The following ANTXR2 variants were observed in gnomAD, a reference collection of about 807,000 sequenced individuals.
ANTXR2 encodes anthrax toxin receptor 2.
Under a neutral mutation model 73.7 loss-of-function variants are expected in ANTXR2, and 44 were observed. The observed-to-expected ratio is 0.60, with a 90% CI of 0.47 to 0.77. The LOEUF (loss-of-function observed/expected upper bound fraction) is 0.77, where lower values mean the gene tolerates loss of function less well. Ranked by LOEUF, ANTXR2 falls within the 30% of genes least tolerant of loss-of-function variation. The pLI is 0.00. For missense variants in ANTXR2, 604 were observed against 592.5 expected, an observed-to-expected ratio of 1.02 and a Z score of -0.20; for synonymous variants, 217 against 205.9, an observed-to-expected ratio of 1.05 and a Z score of -0.46.
chr4:80,058,104 G>T (rs1282435341), intron 3 of ANTXR2, among the ~76,000 whole-genome samples: 1 of 152,020 alleles, frequency 6.6e-6, no homozygotes, highest in Middle Eastern at 3.2e-3. Flanking sequence ...CAAGTGAAAT[G>T]CAAGTTTACA....
At chr4:79,933,739 T>G (rs1330401521) in intron 16 of ANTXR2, among the ~76,000 whole-genome samples, 56 of 117,638 alleles carry the variant, frequency 4.8e-4, no homozygotes, top group Middle Eastern at 4.3e-3. Flanking sequence ...GTGTTTGTTT[T>G]TTTTTTTTTT....
intron 7 of ANTXR2, among the ~76,000 whole-genome samples, chr4:80,047,667 C>T (rs1028384602): frequency 6.6e-6 from 1 of 151,710 alleles, no homozygotes; most frequent in African/African-American, 2.4e-5. Flanking sequence ...GCAAAGACAA[C>T]ACCCCTCACT....
At chr4:80,010,605 A>C (rs988319248) in intron 11 of ANTXR2, among the ~76,000 whole-genome samples, 1 of 152,194 alleles carries the variant, frequency 6.6e-6, no homozygotes, top group Non-Finnish European at 1.5e-5. Flanking sequence ...AGAGGCCATG[A>C]AACTGCTAAA....
chr4:80,040,044 T>C (rs187937522), intron 7 of ANTXR2, among the ~76,000 whole-genome samples: 1 of 152,132 alleles, frequency 6.6e-6, no homozygotes, highest in East Asian at 1.9e-4. Context: ...ACGTTCTCAC[T>C]TATAAGTGGG....
chr4:79,918,231 T>C (rs1247613949), intron 16 of ANTXR2, among the ~76,000 whole-genome samples: 1 of 152,010 alleles, frequency 6.6e-6, no homozygotes, highest in Admixed American at 6.6e-5. Flanking sequence ...TCCAATGGTT[T>C]GTCATATAAG....
intron 12 of ANTXR2, among the ~76,000 whole-genome samples, chr4:79,985,564 C>T (rs1439821847): frequency 6.6e-6 from 1 of 152,006 alleles, no homozygotes; most frequent in Non-Finnish European, 1.5e-5. Context: ...GAGACAGAGA[C>T]ACCAGCTGAT....
At chr4:79,930,636 T>C (rs903138449) in intron 16 of ANTXR2, among the ~76,000 whole-genome samples, 1 of 152,162 alleles carries the variant, frequency 6.6e-6, no homozygotes, top group Non-Finnish European at 1.5e-5. Flanking sequence ...GTCTGAGTCA[T>C]GTGTCTGTCC....
intron 9 of ANTXR2, among the ~76,000 whole-genome samples, chr4:80,033,092 A>T (rs903115187): frequency 6.6e-6 from 1 of 151,912 alleles, no homozygotes; most frequent in East Asian, 1.9e-4. Context: ...AAGCCTGAGG[A>T]AAGAAGCAAT....
rs1043645903 is a variant in ANTXR2 at position 80,070,212 on chromosome 4, C to A, written c.225-705G>T. On this transcript the variant is annotated intron_variant, in intron 2 of 16. Transcript: ENST00000403729. ...GAATCTATAAACTGAAAATCAGAAT[C>A]CTCTCAAAGGCTTATACATATTTTA... is the stretch of plus-strand genomic sequence containing the variant. Among the ~76,000 whole-genome samples the A allele has an allele frequency of 2.6e-5, 4 of 152,296 alleles. No homozygotes were observed. In the South Asian group the frequency reaches 8.3e-4, roughly 32 times the overall value.
chr4:80,040,759 CACAT>C (rs1485539014), intron 7 of ANTXR2, among the ~76,000 whole-genome samples: 2 of 65,784 alleles, frequency 3.0e-5, no homozygotes, highest in African/African-American at 1.0e-4. Context: ...CACACACACA[CACAT>C]ACACACACAC....
chr4:79,916,398 T>C (rs1173199237), intron 16 of ANTXR2, among the ~76,000 whole-genome samples: 6 of 152,128 alleles, frequency 3.9e-5, no homozygotes, highest in African/African-American at 1.2e-4. Flanking sequence ...TAAATAGATA[T>C]AGATATAATC....
At chr4:79,912,564 T>C (rs142949604) in intron 16 of ANTXR2, among the ~76,000 whole-genome samples, 318 of 152,214 alleles carry the variant, frequency 2.1e-3, no homozygotes, top group African/African-American at 7.2e-3. Context: ...AAAAGAACTC[T>C]TGTGCATTGC....
Position 79,978,182 on chromosome 4 carries a change from A to T in ANTXR2, c.1180-8T>A. 2 of 1,613,358 alleles carry T rather than the reference A, an allele frequency of 1.2e-6. No individual in the cohort carries two copies. The highest frequency in any genetic ancestry group is 1.7e-6 in the Non-Finnish European group (2 of 1,179,548). ...TTTATCACCCCAACGAACCTGTAAA[A>T]CAAAGGGAGAGTACTGTTATCAGAC... On this transcript the variant is annotated splice_polypyrimidine_tract_variant and splice_region_variant and intron_variant, in intron 14 of 16. Coordinates refer to ENST00000403729, the MANE Select transcript of ANTXR2 (RefSeq NM_058172.6).
At chr4:79,955,742 T>G (rs1394135258) in intron 16 of ANTXR2, among the ~76,000 whole-genome samples, 2 of 152,132 alleles carry the variant, frequency 1.3e-5, no homozygotes, top group African/African-American at 4.8e-5. Flanking sequence ...ACCAGAAGGT[T>G]TAGAAAATTT....
chr4:80,066,276 C>T (rs905982304), intron 3 of ANTXR2, among the ~76,000 whole-genome samples: 3 of 152,148 alleles, frequency 2.0e-5, no homozygotes. Flanking sequence ...ATGTCCTGCA[C>T]CTTATGGACA....
chr4:80,014,735 G>A (rs992012566), intron 11 of ANTXR2, among the ~76,000 whole-genome samples: 4 of 152,128 alleles, frequency 2.6e-5, no homozygotes, highest in Non-Finnish European at 5.9e-5. Context: ...ATCATCAAGG[G>A]AGATAGTGCC....
intron 16 of ANTXR2, among the ~76,000 whole-genome samples, chr4:79,976,517 A>C (rs894278596): frequency 6.6e-6 from 1 of 152,332 alleles, no homozygotes. Flanking sequence ...ATGACCCGGA[A>C]GTTGTCACAC....
chr4:79,949,695 T>A (rs1728634882), intron 16 of ANTXR2, among the ~76,000 whole-genome samples: 1 of 152,084 alleles, frequency 6.6e-6, no homozygotes. Context: ...CCAACATACA[T>A]AGTGGAAAGC....
intron 1 of ANTXR2, 29 bp downstream of exon 1, chr4:80,072,380 G>A (rs1337830740): frequency 2.6e-6 from 4 of 1,557,444 alleles, no homozygotes; most frequent in Admixed American, 3.8e-5. Flanking sequence ...CCCTCACCAG[G>A]AGACCCTGGA....
Sources: gnomAD v4.1 joint callset for allele counts (sites outside exome capture counted in the v4.1 genomes callset) on GRCh38, gnomAD v4.1.1 for gene constraint, MANE v1.5 for transcripts, NCBI Gene and HGNC (gene_info 2026-07-23, HGNC 2026-07-21) for gene names.